The following NPSR1 variants were observed in gnomAD, a reference collection of about 807,000 sequenced individuals.
The protein encoded by NPSR1 is neuropeptide S receptor.
A neutral mutation model predicts 46.9 loss-of-function variants in NPSR1; 48 were observed. That is an observed-to-expected ratio of 1.02 (90% CI 0.81 to 1.30). The LOEUF is 1.30. Among genes scored for constraint, NPSR1 ranks in the 50% most tolerant of loss-of-function variants. The probability of loss-of-function intolerance (pLI) is 0.00; values close to 1 mark genes in which losing one functional copy is unlikely to be tolerated. For missense variants in NPSR1, 450 were observed against 449.5 expected (o/e 1.00, Z -0.01); for synonymous variants, 176 against 168.1 (o/e 1.05, Z -0.36).
intron 6 of NPSR1, 75 bp from the exon 7 acceptor site, chr7:34,844,821 A>G: frequency 1.1e-6 from 1 of 935,038 alleles, no homozygotes; most frequent in South Asian, 1.3e-5. Context: ...CTAACCTTTA[A>G]TGTTCCTATT....
rs145802200 is a variant in NPSR1 at position 34,677,957 on chromosome 7, A to G, written c.148-6595A>G. On this transcript the variant is annotated intron_variant, in intron 1 of 8. Transcript: ENST00000360581. ...CAGTAAGGAAAACAGTCCTGTATCT[A>G]CTATCTTCCTCACATTCCACCCTTG... 7.2e-4 allele frequency among the ~76,000 whole-genome samples: 110 copies of G among 152,324 alleles called. 1 individual carries two copies. Among genetic ancestry groups the G allele is most frequent in the African/African-American group, 2.6e-3 (109 of 41,576 alleles).
At chr7:34,760,736 T>G (rs1270231922) in intron 2 of NPSR1, among the ~76,000 whole-genome samples, 3 of 152,198 alleles carry the variant, frequency 2.0e-5, no homozygotes, top group Non-Finnish European at 4.4e-5. Flanking sequence ...TAAATATAAT[T>G]TGTTGTAATC....
At chr7:34,868,862 G>A (rs10277329) in intron 8 of NPSR1, among the ~76,000 whole-genome samples, 1 of 151,162 alleles carries the variant, frequency 6.6e-6, no homozygotes, top group Admixed American at 6.6e-5. Flanking sequence ...AAAGAGGTGC[G>A]GCTGACCCTC....
chr7:34,760,050 T>C (rs185114851), intron 2 of NPSR1, among the ~76,000 whole-genome samples: 162 of 152,382 alleles, frequency 1.1e-3, no homozygotes, highest in African/African-American at 3.6e-3. Context: ...GAGAATCTAA[T>C]ATATTAGACT....
At chr7:34,856,769 G>A (rs758907072) in intron 8 of NPSR1, among the ~76,000 whole-genome samples, 4 of 151,598 alleles carry the variant, frequency 2.6e-5, no homozygotes, top group African/African-American at 7.3e-5. Context: ...GGAAGGGACC[G>A]CAAGTCATTG....
intron 2 of NPSR1, among the ~76,000 whole-genome samples, chr7:34,723,553 A>ATAAATAAG (rs1783978473): frequency 6.6e-6 from 1 of 151,032 alleles, no homozygotes; most frequent in Non-Finnish European, 1.5e-5. Context: ...AAATAAATAA[A>ATAAATAAG]TAAAGATGAA....
intron 2 of NPSR1, among the ~76,000 whole-genome samples, chr7:34,705,088 T>G (rs1438444908): frequency 6.6e-6 from 1 of 152,196 alleles, no homozygotes; most frequent in Non-Finnish European, 1.5e-5. Flanking sequence ...ACATATTTTT[T>G]GCCTGTTTAA....
At chr7:34,731,035 T>C (rs1201203526) in intron 2 of NPSR1, among the ~76,000 whole-genome samples, 1 of 152,180 alleles carries the variant, frequency 6.6e-6, no homozygotes, top group Non-Finnish European at 1.5e-5. Context: ...AAAGATTTTT[T>C]AAGCATGATA....
intron 2 of NPSR1, chr7:34,751,477 T>C: frequency 7.3e-6 from 9 of 1,228,800 alleles, no homozygotes; most frequent in Non-Finnish European, 1.1e-5. Flanking sequence ...GCGGATTAGT[T>C]CTGCCTCCGT....
rs1352481429 is a variant in NPSR1 at position 34,849,752 on chromosome 7, C to T, written c.*97C>T. 4 of 1,568,432 alleles carry T rather than the reference C, an allele frequency of 2.6e-6. No individual in the cohort carries two copies. Among genetic ancestry groups the T allele is most frequent in the Non-Finnish European group, 3.5e-6 (4 of 1,158,138 alleles). On this transcript the variant is annotated 3_prime_UTR_variant, in exon 9 of 9. Transcript: ENST00000360581. ...GTGCATGGAACCCGAGCCAACTTCA[C>T]CCCACCCTCGTCATTACCTGGGAGA... is the stretch of plus-strand genomic sequence containing the variant.
chr7:34,675,144 C>T (rs953838595), intron 1 of NPSR1, among the ~76,000 whole-genome samples: 8 of 152,146 alleles, frequency 5.3e-5, no homozygotes, highest in Non-Finnish European at 1.2e-4. Context: ...AGTGATAACT[C>T]GTTGGTCAGG....
chr7:34,855,137 A>G (rs1240453068), intron 8 of NPSR1, among the ~76,000 whole-genome samples: 1 of 152,212 alleles, frequency 6.6e-6, no homozygotes, highest in Non-Finnish European at 1.5e-5. Context: ...AAATAAAACA[A>G]TACTTAAAGA....
chr7:34,827,508 C>G lies in NPSR1; in HGVS notation c.586C>G (p.Gln196Glu). The G allele has an allele frequency of 1.2e-6, 2 of 1,614,082 alleles. No homozygotes were observed. Among genetic ancestry groups the G allele is most frequent in the South Asian group, 2.2e-5 (2 of 91,078 alleles). ...GKRTLSNGEVQCWALWPDDSY... is the reference protein window; with the variant it reads ...GKRTLSNGEVECWALWPDDSY... ...GAGGACACTGTCCAACGGTGAAGTG[C>G]AGTGCTGGGCCCTGTGGCCTGACGA... Residue 196 changes from glutamine (Q) to glutamate (E), a missense_variant, in exon 5 of 9, where the codon CAG (glutamine) becomes GAG (glutamate). Physicochemically the swap from Gln to Glu is conservative, Grantham distance 29. Transcript: ENST00000360581.
chr7:34,664,902 C>A (rs1168823503), intron 1 of NPSR1, among the ~76,000 whole-genome samples: 2 of 152,148 alleles, frequency 1.3e-5, no homozygotes, highest in Non-Finnish European at 2.9e-5. Flanking sequence ...TGTTTTCCCA[C>A]TTAGGCAATA....
Position 34,784,120 on chromosome 7 carries a change from C to T in NPSR1, c.384+5555C>T, listed in dbSNP as rs370507455. ...GGGTTTTCTAGATATACAATCATGT[C>T]ATCTGCAAACAGGGACAATTTGACT... On this transcript the variant is annotated intron_variant, in intron 3 of 8. Coordinates refer to ENST00000360581, the MANE Select transcript of NPSR1 (RefSeq NM_207172.2). Among the ~76,000 whole-genome samples the T allele has an allele frequency of 9.2e-5, 14 of 152,272 alleles. No individual in the cohort carries two copies. In the East Asian group the frequency reaches 2.7e-3, roughly 29 times the overall value.
At chr7:34,661,524 C>T (rs953684904) in intron 1 of NPSR1, among the ~76,000 whole-genome samples, 1 of 152,202 alleles carries the variant, frequency 6.6e-6, no homozygotes, top group African/African-American at 2.4e-5. Flanking sequence ...AGACAAAGCA[C>T]CCCGTCTAGA....
intron 3 of NPSR1, chr7:34,779,400 T>G: frequency 3.5e-6 from 1 of 282,604 alleles, no homozygotes; most frequent in Non-Finnish European, 6.8e-6. Context: ...AGGTCTAAAT[T>G]ATTATAGCTT....
intron 2 of NPSR1, among the ~76,000 whole-genome samples, chr7:34,765,104 C>T (rs1786369516): frequency 6.6e-6 from 1 of 152,114 alleles, no homozygotes; most frequent in South Asian, 2.1e-4. Context: ...CTACTAACAA[C>T]AAAACTCAAG....
intron 2 of NPSR1, among the ~76,000 whole-genome samples, chr7:34,743,671 C>A (rs183643162): frequency 6.6e-6 from 1 of 152,240 alleles, no homozygotes; most frequent in Admixed American, 6.5e-5. Context: ...AACTCCTAAC[C>A]TCGTATCAGC....
Sources: allele counts gnomAD v4.1 joint callset (sites outside exome capture counted in the v4.1 genomes callset), GRCh38; gene constraint gnomAD v4.1.1; transcripts MANE v1.5; gene names NCBI Gene and HGNC (gene_info 2026-07-23, HGNC 2026-07-21).